The following TSHZ2 variants were observed in gnomAD, a reference collection of about 807,000 sequenced individuals.
TSHZ2 encodes teashirt zinc finger homeobox 2.
In TSHZ2, 21 loss-of-function variants were observed where a neutral mutation model predicts 74.4. The ratio of observed to expected loss-of-function variants is 0.28; its 90% CI spans 0.20 to 0.41. TSHZ2 has a LOEUF of 0.41. TSHZ2 is among the 10% of genes least tolerant of loss of function. TSHZ2 has a pLI of 1.00. For missense variants in TSHZ2, 1,244 were observed against 1,293.5 expected (o/e 0.96, Z 0.59); for synonymous variants, 540 against 515.3 (o/e 1.05, Z -0.65).
intron 2 of TSHZ2, among the ~76,000 whole-genome samples, chr20:53,379,778 A>G (rs1981792623): frequency 6.6e-6 from 1 of 152,196 alleles, no homozygotes; most frequent in South Asian, 2.1e-4. Flanking sequence ...TGGGAAAAAA[A>G]AATGGCTTTC....
intron 2 of TSHZ2, among the ~76,000 whole-genome samples, chr20:53,299,151 C>T (rs1189009108): frequency 6.6e-6 from 1 of 152,190 alleles, no homozygotes; most frequent in Non-Finnish European, 1.5e-5. Flanking sequence ...CCCATCTGTT[C>T]TATAAAAGAG....
intron 1 of TSHZ2, among the ~76,000 whole-genome samples, chr20:53,004,012 G>C (rs1358747616): frequency 6.6e-6 from 1 of 151,468 alleles, no homozygotes; most frequent in Non-Finnish European, 1.5e-5. Flanking sequence ...GTTCATATTC[G>C]ATGCCCTGTT....
intron 1 of TSHZ2, among the ~76,000 whole-genome samples, chr20:53,011,276 A>G (rs768146964): frequency 2.0e-5 from 3 of 152,224 alleles, no homozygotes; most frequent in Non-Finnish European, 4.4e-5. Flanking sequence ...AAGAGCCCCA[A>G]TTCATATCCT....
At chr20:53,240,817 A>G (rs1360919123) in intron 1 of TSHZ2, among the ~76,000 whole-genome samples, 1 of 152,120 alleles carries the variant, frequency 6.6e-6, no homozygotes, top group Non-Finnish European at 1.5e-5. Context: ...TGGTCTGAGA[A>G]CTGGCTGAAA....
intron 2 of TSHZ2, among the ~76,000 whole-genome samples, chr20:53,351,824 T>G (rs1980656228): frequency 1.3e-5 from 2 of 152,178 alleles, no homozygotes; most frequent in African/African-American, 4.8e-5. Flanking sequence ...AGGAAGAGAA[T>G]CAAGGTCAGA....
At chr20:53,063,034 G>A (rs914711644) in intron 1 of TSHZ2, among the ~76,000 whole-genome samples, 3 of 152,044 alleles carry the variant, frequency 2.0e-5, no homozygotes, top group East Asian at 1.9e-4. Context: ...TGGCACCCCC[G>A]AAACAATTAC....
chr20:53,073,444 C>T (rs1322116503), intron 1 of TSHZ2, among the ~76,000 whole-genome samples: 1 of 150,198 alleles, frequency 6.7e-6, no homozygotes, highest in African/African-American at 2.4e-5. Context: ...CTCCATCCAT[C>T]CATCCATTCA....
At chr20:53,416,397 G>A (rs775896053) in intron 2 of TSHZ2, among the ~76,000 whole-genome samples, 106 of 152,262 alleles carry the variant, frequency 7.0e-4, no homozygotes, top group Middle Eastern at 3.4e-3. Flanking sequence ...GACAGTAGTC[G>A]GGCTCTATTC....
intron 1 of TSHZ2, chr20:53,178,205 A>C (rs1988389856): frequency 6.6e-6 from 1 of 152,206 alleles, no homozygotes; most frequent in Non-Finnish European, 1.5e-5. Context: ...GACGCAGCAG[A>C]CAGCGATGCC....
chr20:53,254,737 G>A lies in TSHZ2; in HGVS notation c.1279G>A (p.Glu427Lys), dbSNP rs201933484. Residue 427 changes from glutamate to lysine, a missense_variant, in exon 2 of 3, where the codon GAG (glutamate) becomes AAG (lysine). Physicochemically the swap from Glu to Lys is moderately conservative, Grantham distance 56. Around this residue, in one of 6 missense-constraint regions of TSHZ2, gnomAD observed 562 missense variants for 544.0 expected, o/e 1.03. Transcript: ENST00000371497. The part of the protein sequence containing the change: ...KQLVLDPLAV[E>K]KMQSLSEAPN... ...GCTGGTATTAGACCCGTTAGCAGTG[G>A]AGAAAATGCAGTCGTTGTCTGAGGC... The A allele has an allele frequency of 3.6e-5, 58 of 1,613,592 alleles. No individual in the cohort carries two copies. The highest frequency in any genetic ancestry group is 4.7e-5 in the Non-Finnish European group (56 of 1,179,708).
intron 2 of TSHZ2, among the ~76,000 whole-genome samples, chr20:53,388,179 A>C (rs1464372047): frequency 1.3e-5 from 2 of 152,214 alleles, no homozygotes; most frequent in African/African-American, 4.8e-5. Flanking sequence ...AGATTGTGTC[A>C]TAGGGTTGTA....
At chr20:53,239,658 C>T (rs1385697346) in intron 1 of TSHZ2, among the ~76,000 whole-genome samples, 1 of 152,094 alleles carries the variant, frequency 6.6e-6, no homozygotes, top group Non-Finnish European at 1.5e-5. Context: ...TAACTGCGAG[C>T]AGCAATCCCA....
chr20:53,207,865 T>TTC (rs1423070927), intron 1 of TSHZ2, among the ~76,000 whole-genome samples: 1 of 146,122 alleles, frequency 6.8e-6, no homozygotes, highest in Non-Finnish European at 1.5e-5. Flanking sequence ...TTACTTTTTT[T>TTC]TTTTTTTTTT....
chr20:53,329,470 C>G (rs915374501), intron 2 of TSHZ2, among the ~76,000 whole-genome samples: 9 of 152,266 alleles, frequency 5.9e-5, no homozygotes, highest in African/African-American at 1.9e-4. Flanking sequence ...GAATTTAACT[C>G]CGGAAAGCCC....
intron 1 of TSHZ2, among the ~76,000 whole-genome samples, chr20:53,095,297 C>T (rs751482175): frequency 1.2e-4 from 19 of 152,158 alleles, no homozygotes; most frequent in African/African-American, 2.2e-4. Context: ...GTAAGTCCAC[C>T]GTCACAGAGC....
At chr20:53,345,345 T>C (rs562911814) in intron 2 of TSHZ2, among the ~76,000 whole-genome samples, 2 of 152,072 alleles carry the variant, frequency 1.3e-5, no homozygotes, top group African/African-American at 4.8e-5. Context: ...CACCTGGAAA[T>C]AGCTCTTGGT....
At chr20:53,017,154 T>C (rs1162844307) in intron 1 of TSHZ2, among the ~76,000 whole-genome samples, 1 of 152,214 alleles carries the variant, frequency 6.6e-6, no homozygotes, top group African/African-American at 2.4e-5. Context: ...TTGCTTTATG[T>C]GCGGTATCTC....
In TSHZ2 at chr20:53,494,797, T is replaced by C. The variant is rs1323071329; in HGVS notation, c.*7662T>C. 6.6e-6 allele frequency: 1 copy of C among 152,102 alleles called. No individual in the cohort carries two copies. Among genetic ancestry groups the C allele is most frequent in the Admixed American group, 6.5e-5 (1 of 15,278 alleles). 9.4% of individuals were successfully genotyped at this position (152,102 alleles called of 1,614,324 possible). On this transcript the variant is annotated 3_prime_UTR_variant, in exon 3 of 3. Transcript: ENST00000371497. ...CAAAAAGGTTTCTATAAGTATATTATTTACATTTTTATACATGATAACTCT... is the reference window on the plus strand; with the variant it reads ...CAAAAAGGTTTCTATAAGTATATTACTTACATTTTTATACATGATAACTCT...
chr20:53,481,779 G>C lies in TSHZ2; in HGVS notation c.*9-5365G>C, dbSNP rs138129359. Among the ~76,000 whole-genome samples, 34 of 151,988 alleles carry C rather than the reference G, an allele frequency of 2.2e-4. No homozygotes were observed. The East Asian group carries it at 2.7e-3, about 12-fold the overall frequency. On this transcript the variant is annotated intron_variant, in intron 2 of 2. Transcript: ENST00000371497. Reference sequence around the variant, plus strand: ...ACTCCCATAGCTAAGTTTCATAAAAGACATAGGTATCTGAAATTTAAAAGT... The same window carrying C: ...ACTCCCATAGCTAAGTTTCATAAAACACATAGGTATCTGAAATTTAAAAGT...
Sources: gnomAD v4.1 joint callset for allele counts (sites outside exome capture counted in the v4.1 genomes callset) on GRCh38, gnomAD v4.1.1 for gene constraint, gnomAD v4.1.1 regional missense constraint, MANE v1.5 for transcripts, NCBI Gene and HGNC (gene_info 2026-07-23, HGNC 2026-07-21) for gene names.